Variants in PRDM5 observed in about 807,000 individuals in gnomAD.
PRDM5 encodes the protein PR domain zinc finger protein 5.
In PRDM5, 56 loss-of-function variants were observed where a neutral mutation model predicts 81.2. That is an observed-to-expected ratio of 0.69 (90% CI 0.56 to 0.86). The LOEUF (loss-of-function observed/expected upper bound fraction) is 0.86, where lower values mean the gene tolerates loss of function less well. Among genes scored for constraint, PRDM5 ranks in the 40% least tolerant of loss-of-function variants. The pLI, the probability that PRDM5 is intolerant of heterozygous loss-of-function variation, is 0.00. For synonymous variants in PRDM5, 267 were observed against 256.4 expected (o/e 1.04, Z -0.39); for missense variants, 697 against 770.1 (o/e 0.91, Z 1.12).
At chr4:120,884,917 G>A (rs188176532) in intron 2 of PRDM5, among the ~76,000 whole-genome samples, 11 of 151,828 alleles carry the variant, frequency 7.2e-5, no homozygotes, top group Non-Finnish European at 5.9e-5. Context: ...TAATCCCAGC[G>A]AGTCGGGTGG....
chr4:120,914,078 T>A (rs955690802), intron 1 of PRDM5, among the ~76,000 whole-genome samples: 2 of 151,648 alleles, frequency 1.3e-5, no homozygotes, highest in African/African-American at 4.9e-5. Flanking sequence ...AAAAGGAAGA[T>A]AAGGCAGAAG....
chr4:120,684,938 T>C (rs1733779031), exon 2 of PRDM5: 1 of 152,030 alleles, frequency 6.6e-6, no homozygotes. Context: ...TCCCCCAAAA[T>C]ATCAGCTGAA....
intron 14 of PRDM5, among the ~76,000 whole-genome samples, chr4:120,742,255 C>A (rs1222152094): frequency 6.6e-6 from 1 of 152,172 alleles, no homozygotes; most frequent in Non-Finnish European, 1.5e-5. Context: ...ACAGAAAGGA[C>A]ATCCACACCA....
intron 2 of PRDM5, among the ~76,000 whole-genome samples, chr4:120,900,590 A>G (rs143994730): frequency 3.9e-5 from 6 of 152,350 alleles, no homozygotes; most frequent in African/African-American, 1.4e-4. Context: ...AGGGGAGTCA[A>G]GGGTTGGAAA....
At chr4:120,863,910 A>G (rs1165823163) in intron 2 of PRDM5, among the ~76,000 whole-genome samples, 1 of 152,238 alleles carries the variant, frequency 6.6e-6, no homozygotes, top group African/African-American at 2.4e-5. Flanking sequence ...AGTCAAGGAC[A>G]ATAGGACTCA....
intron 13 of PRDM5, among the ~76,000 whole-genome samples, chr4:120,771,329 C>T (rs1384700018): frequency 6.6e-6 from 1 of 152,006 alleles, no homozygotes; most frequent in East Asian, 1.9e-4. Flanking sequence ...GCAAGGAGAA[C>T]AATTTATTAA....
At chr4:120,725,533 A>T (rs1445271415) in intron 14 of PRDM5, among the ~76,000 whole-genome samples, 2 of 152,134 alleles carry the variant, frequency 1.3e-5, no homozygotes, top group Non-Finnish European at 2.9e-5. Context: ...GGCTGTTTTC[A>T]GTTCAGTGTG....
intron 14 of PRDM5, among the ~76,000 whole-genome samples, chr4:120,717,735 C>T (rs1281418798): frequency 6.6e-6 from 1 of 152,114 alleles, no homozygotes; most frequent in Non-Finnish European, 1.5e-5. Context: ...TGGATGGATC[C>T]ATCCCAGAAT....
intron 2 of PRDM5, among the ~76,000 whole-genome samples, chr4:120,860,348 C>T (rs1760423199): frequency 2.0e-5 from 3 of 152,084 alleles, no homozygotes; most frequent in Admixed American, 1.3e-4. Flanking sequence ...TTTTAAAGCA[C>T]TCCATGTCTT....
intron 14 of PRDM5, among the ~76,000 whole-genome samples, chr4:120,726,722 G>A (rs1386537950): frequency 2.0e-5 from 3 of 152,280 alleles, no homozygotes; most frequent in Non-Finnish European, 4.4e-5. Context: ...AATCTCCAAA[G>A]GGCCTCTCTC....
intron 14 of PRDM5, among the ~76,000 whole-genome samples, chr4:120,744,961 A>T (rs1280659869): frequency 8.5e-5 from 12 of 141,910 alleles, no homozygotes; most frequent in Non-Finnish European, 1.2e-4. Context: ...TACCAAAGCC[A>T]GGCAGAGACA....
intron 2 of PRDM5, among the ~76,000 whole-genome samples, chr4:120,887,039 G>A (rs1183265028): frequency 1.3e-5 from 2 of 151,802 alleles, no homozygotes; most frequent in Non-Finnish European, 2.9e-5. Context: ...TCCACTTCCT[G>A]GGTTCAAGCG....
At chr4:120,728,189 A>C (rs1208295109) in intron 14 of PRDM5, among the ~76,000 whole-genome samples, 1 of 150,850 alleles carries the variant, frequency 6.6e-6, no homozygotes, top group Non-Finnish European at 1.5e-5. Context: ...TACCCTATTC[A>C]TCTGTTAGAA....
intron 13 of PRDM5, among the ~76,000 whole-genome samples, chr4:120,761,811 C>G (rs1013586826): frequency 2.6e-5 from 4 of 152,094 alleles, no homozygotes; most frequent in Non-Finnish European, 2.9e-5. Context: ...CCTGACCACT[C>G]TAGCAGAGGC....
intron 14 of PRDM5, among the ~76,000 whole-genome samples, chr4:120,716,972 C>G (rs1206134468): frequency 6.7e-6 from 1 of 150,124 alleles, no homozygotes; most frequent in East Asian, 2.0e-4. Flanking sequence ...AGAACATGGT[C>G]AACACAGTTA....
At chr4:120,783,812 C>A (rs987182328) in intron 11 of PRDM5, among the ~76,000 whole-genome samples, 1 of 152,026 alleles carries the variant, frequency 6.6e-6, no homozygotes, top group African/African-American at 2.4e-5. Context: ...TTACAGGAAG[C>A]AGATTGCATT....
chr4:120,685,057 T>C (rs1270034198), intron 1 of PRDM5: 4 of 152,090 alleles, frequency 2.6e-5, no homozygotes, highest in African/African-American at 7.2e-5. Flanking sequence ...CAGATTCATA[T>C]GTAAACACTT....
At chr4:120,796,025 A>T (rs1751301026) in intron 10 of PRDM5, among the ~76,000 whole-genome samples, 1 of 152,234 alleles carries the variant, frequency 6.6e-6, no homozygotes, top group Non-Finnish European at 1.5e-5. Context: ...TCAAATAAGT[A>T]TAATAAAAAT....
At chr4:120,820,345 G>T (rs138281041) in intron 4 of PRDM5, among the ~76,000 whole-genome samples, 1 of 152,134 alleles carries the variant, frequency 6.6e-6, no homozygotes, top group Non-Finnish European at 1.5e-5. Context: ...CTCCAGAAAC[G>T]TAAGCAATAA....
Sources: allele counts gnomAD v4.1 joint callset (sites outside exome capture counted in the v4.1 genomes callset), GRCh38; gene constraint gnomAD v4.1.1; transcripts MANE v1.5; gene names NCBI Gene and HGNC (gene_info 2026-07-23, HGNC 2026-07-21).